RPS3A: variants seen among roughly 807,000 people sequenced by gnomAD.
RPS3A encodes the protein ribosomal protein S3A, also known as small ribosomal subunit protein eS1.
RPS3A carries 1 observed loss-of-function variant against 26.4 expected under a neutral mutation model. The observed-to-expected ratio is 0.04, with a 90% CI of 0.01 to 0.18. The LOEUF is 0.18. Among genes scored for constraint, RPS3A ranks in the 10% least tolerant of loss-of-function variants. The pLI is 1.00. For missense variants in RPS3A, 139 were observed against 326.8 expected (o/e 0.43, Z 4.43); for synonymous variants, 97 against 106.1 (o/e 0.91, Z 0.53).
At position 151,104,563 on chromosome 4, in the gene RPS3A, A is replaced by G. The variant is rs1747288158; in HGVS notation, c.765A>G (p.Gly255=). 6.4e-7 allele frequency: 1 copy of G among 1,567,406 alleles called. No homozygotes were observed. The highest frequency in any genetic ancestry group is 1.2e-5 in the South Asian group (1 of 86,058). The part of the protein sequence containing the change: ...ETGAKVERAD[G]YEPPVQESV ...GTGCTAAAGTTGAACGAGCTGATGGATATGAACCACCAGTCCAAGAATCTG... is the reference window on the plus strand; with the variant it reads ...GTGCTAAAGTTGAACGAGCTGATGGGTATGAACCACCAGTCCAAGAATCTG... Residue 255 remains glycine (G), a synonymous_variant, in exon 6 of 6, where the codon GGA becomes GGG. Coordinates refer to ENST00000274065, the MANE Select transcript of RPS3A (RefSeq NM_001006.5).
chr4:151,099,636 G>C lies in RPS3A; in HGVS notation c.-17G>C. 1 of 1,612,914 alleles carries C rather than the reference G, an allele frequency of 6.2e-7. No individual in the cohort carries two copies. The highest frequency in any genetic ancestry group is 8.5e-7 in the Non-Finnish European group (1 of 1,179,634). ...CGCGACTCCCACTTCCGCCCTTTTG[G>C]CTCTCTGACCAGCACCATGGCGGTT... On this transcript the variant is annotated 5_prime_UTR_variant, in exon 1 of 6. Coordinates refer to ENST00000274065, the MANE Select transcript of RPS3A (RefSeq NM_001006.5).
chr4:151,104,084 G>C, intron 4 of RPS3A, 93 bp from the exon 5 acceptor site: 1 of 1,519,054 alleles, frequency 6.6e-7, no homozygotes, highest in Non-Finnish European at 8.8e-7. Flanking sequence ...GTTATGTGTA[G>C]GTTTATTCCA....
chr4:151,101,119 A>G lies in RPS3A; in HGVS notation c.311A>G (p.Asp104Gly). 1 of 1,606,880 alleles carries G rather than the reference A, an allele frequency of 6.2e-7. No homozygotes were observed. Among genetic ancestry groups the G allele is most frequent in the Non-Finnish European group, 8.5e-7 (1 of 1,175,012 alleles). The change falls in exon 3 of 6, where the codon GAT becomes GGT. Residue 104 changes from aspartate (D) to glycine (G), a missense_variant. This residue lies in a region of RPS3A where 96 missense variants were observed against 209.8 expected (regional missense o/e 0.46). Transcript: ENST00000274065. ...KNCLTNFHGM[D>G]LTRDKMCSMV... ...TGCCTGACTAACTTCCATGGCATGG[A>G]TCTTACCCGTGACAAAATGTGTTCC...
intron 3 of RPS3A, among the ~76,000 whole-genome samples, chr4:151,101,423 T>C (rs1353577399): frequency 2.0e-5 from 3 of 152,190 alleles, no homozygotes; most frequent in East Asian, 1.9e-4. Flanking sequence ...CTGCATAGAT[T>C]AGTGGTTTTT....
At chr4:151,104,401 T>C in intron 5 of RPS3A, 71 bp from the exon 6 acceptor site, 1 of 1,484,922 alleles carries the variant, frequency 6.7e-7, no homozygotes, top group South Asian at 1.4e-5. Flanking sequence ...TGCATAGTAG[T>C]GATGACCATT....
intron 3 of RPS3A, among the ~76,000 whole-genome samples, chr4:151,101,577 A>G (rs1256532709): frequency 6.6e-6 from 1 of 151,912 alleles, no homozygotes; most frequent in African/African-American, 2.4e-5. Context: ...TCTGGGCTCC[A>G]TTTGCCTATT....
At chr4:151,100,006 GTGTT>G in intron 1 of RPS3A, 1 of 628,550 alleles carries the variant, frequency 1.6e-6, no homozygotes, top group Non-Finnish European at 3.0e-6. Context: ...AATTCTGCGA[GTGTT>G]TGATGGCACT....
chr4:151,103,537 T>A, intron 4 of RPS3A: 1 of 1,030,318 alleles, frequency 9.7e-7, no homozygotes, highest in Non-Finnish European at 1.2e-6. Flanking sequence ...TCGTGTTTAT[T>A]TATTTTGAAT....
Position 151,103,895 on chromosome 4 carries a change from A to AT in RPS3A, c.564-281dup, listed in dbSNP as rs755084914. 5 of 1,459,562 alleles carry AT rather than the reference A, an allele frequency of 3.4e-6. No homozygotes were observed. In the Admixed American group the frequency reaches 8.9e-5, roughly 26 times the overall value. 90.4% of individuals were successfully genotyped at this position (1,459,562 alleles called of 1,614,324 possible). A position where few individuals can be genotyped will look rare whatever the true frequency, so the allele number is the denominator to read the frequency against. On this transcript the variant is annotated intron_variant, in intron 4 of 5. Coordinates refer to ENST00000274065, the MANE Select transcript of RPS3A (RefSeq NM_001006.5). ...ATAACAACATTTTTCTGATGTTCCC[A>AT]TGCAATATACAGTTAGCTAAGAGGG...
intron 4 of RPS3A, chr4:151,103,784 T>TA (rs758580221): frequency 7.5e-7 from 1 of 1,337,324 alleles, no homozygotes; most frequent in Non-Finnish European, 9.9e-7. Context: ...AAAGAAAAAA[T>TA]ACACTGAATA....
intron 3 of RPS3A, chr4:151,102,209 T>A (rs910957013): frequency 1.5e-5 from 5 of 328,994 alleles, no homozygotes; most frequent in African/African-American, 1.1e-4. Flanking sequence ...AGTTTTTTTT[T>A]ATACTAAGGT....
At chr4:151,101,772 G>T (rs1047647574) in intron 3 of RPS3A, among the ~76,000 whole-genome samples, 1 of 152,064 alleles carries the variant, frequency 6.6e-6, no homozygotes, top group African/African-American at 2.4e-5. Context: ...GTCTCTTATC[G>T]TCCGGGCTGG....
chr4:151,100,084 C>A (rs1313843531), intron 1 of RPS3A: 2 of 532,088 alleles, frequency 3.8e-6, no homozygotes, highest in African/African-American at 3.8e-5. Flanking sequence ...CTCGCCTTTG[C>A]TTGGTCCCGC....
At position 151,101,097 on chromosome 4, in the gene RPS3A, C is replaced by T. The variant is rs1213164665; in HGVS notation, c.289C>T (p.Leu97=). ...ITEDVQGKNC[L]TNFHGMDLTR... ...TGAAGATGTTCAGGGTAAAAACTGC[C>T]TGACTAACTTCCATGGCATGGATCT... Residue 97 remains leucine (L), a synonymous_variant, in exon 3 of 6, where the codon CTG becomes TTG. Transcript: ENST00000274065. 1.4e-5 allele frequency: 23 copies of T among 1,606,058 alleles called. No homozygotes were observed. Among genetic ancestry groups the T allele is most frequent in the Non-Finnish European group, 1.8e-5 (21 of 1,175,198 alleles).
chr4:151,103,568 G>T, intron 4 of RPS3A: 1 of 1,042,568 alleles, frequency 9.6e-7, no homozygotes, highest in Non-Finnish European at 1.2e-6. Flanking sequence ...CACAGTAGAT[G>T]GAGTTGAAGG....
intron 3 of RPS3A, chr4:151,101,931 C>A: frequency 2.7e-6 from 1 of 373,042 alleles, no homozygotes; most frequent in Non-Finnish European, 5.2e-6. Flanking sequence ...CAGGGTTTCA[C>A]CATATTGGCC....
At chr4:151,100,699 G>C (rs114340861) in intron 2 of RPS3A, 111 bp downstream of exon 2, 15,404 of 701,862 alleles carry the variant, frequency 0.022, 237 homozygotes, top group Middle Eastern at 0.041. Context: ...GGAAATGTCA[G>C]CTCTTGGTTG....
In RPS3A at chr4:151,104,283, G is replaced by C. The variant is rs1017987020; in HGVS notation, c.670G>C (p.Glu224Gln). 1 of 1,612,818 alleles carries C rather than the reference G, an allele frequency of 6.2e-7. No homozygotes were observed. Among genetic ancestry groups the C allele is most frequent in the African/African-American group, 1.3e-5 (1 of 74,840 alleles). ...KVKMLKKPKF[E>Q]LGKLMELHGE... ...AAAAATGCTGAAGAAGCCCAAGTTT[G>C]AATGTAAGTGAGAAATCACATGATT... Residue 224 changes from glutamate (E) to glutamine (Q), a missense_variant, in exon 5 of 6, where the codon GAA becomes CAA. Physicochemically the swap from Glu to Gln is conservative, Grantham distance 29. Coordinates refer to ENST00000274065, the MANE Select transcript of RPS3A (RefSeq NM_001006.5).
In RPS3A at chr4:151,100,517, A is replaced by G. The variant is rs762646465; in HGVS notation, c.95A>G (p.Asp32Gly). 1.6e-5 allele frequency: 25 copies of G among 1,605,632 alleles called. No homozygotes were observed. The highest frequency in any genetic ancestry group is 8.5e-7 in the Non-Finnish European group (1 of 1,172,448). The change falls in exon 2 of 6, where the codon GAT (aspartate) becomes GGT (glycine). Residue 32 changes from aspartate to glycine, a missense_variant. Transcript: ENST00000274065. Reference sequence around the variant, plus strand: ...CCATTTTCTAAGAAAGATTGGTATGATGTGAAAGCACCTGCTATGTTCAAT... The same window carrying G: ...CCATTTTCTAAGAAAGATTGGTATGGTGTGAAAGCACCTGCTATGTTCAAT... ...VDPFSKKDWY[D>G]VKAPAMFNIR...
Sources: gnomAD v4.1 joint callset for allele counts (sites outside exome capture counted in the v4.1 genomes callset) on GRCh38, gnomAD v4.1.1 for gene constraint, gnomAD v4.1.1 regional missense constraint, MANE v1.5 for transcripts, NCBI Gene and HGNC (gene_info 2026-07-23, HGNC 2026-07-21) for gene names.